The following ARAP1 variants were observed in gnomAD, a reference collection of about 807,000 sequenced individuals.
ARAP1 encodes the protein ArfGAP with RhoGAP domain, ankyrin repeat and PH domain 1.
ARAP1 carries 76 observed loss-of-function variants against 172.2 expected under a neutral mutation model. That is an observed-to-expected ratio of 0.44 (90% CI 0.37 to 0.53). The LOEUF is 0.53. Among genes scored for constraint, ARAP1 ranks in the 20% least tolerant of loss-of-function variants. The pLI, the probability that ARAP1 is intolerant of heterozygous loss-of-function variation, is 0.00. For missense variants in ARAP1, 1,686 were observed against 1,977.5 expected (o/e 0.85, Z 2.80); for synonymous variants, 804 against 803.3 (o/e 1.00, Z -0.01).
At chr11:72,730,107 T>C (rs1256775145) in intron 2 of ARAP1, among the ~76,000 whole-genome samples, 1 of 152,132 alleles carries the variant, frequency 6.6e-6, no homozygotes, top group Admixed American at 6.5e-5. Flanking sequence ...CTGCCACTCA[T>C]ATTCCACACA....
intron 11 of ARAP1, chr11:72,708,643 C>G (rs1447618217): frequency 6.6e-6 from 1 of 152,488 alleles, no homozygotes; most frequent in Non-Finnish European, 1.5e-5. Flanking sequence ...TGGACAGGCA[C>G]GGGCGGCCCA....
intron 14 of ARAP1, among the ~76,000 whole-genome samples, chr11:72,703,671 G>A (rs749706062): frequency 2.6e-5 from 4 of 152,168 alleles, no homozygotes; most frequent in Non-Finnish European, 5.9e-5. Flanking sequence ...CCCCTGCCTC[G>A]GAGCTGGCTG....
rs886586642 is a variant in ARAP1 at position 72,693,233 on chromosome 11, G to A, written c.3954+92C>T. 1.3e-6 allele frequency: 2 copies of A among 1,521,974 alleles called. No homozygotes were observed. The highest frequency in any genetic ancestry group is 1.2e-5 in the South Asian group (1 of 80,692). The allele number at this position is 1,521,974 out of a possible 1,614,324, so 94.3% of individuals were successfully genotyped here. ...GTGCCATCCTGAGAGCCTGTAACGGGAATATTTCCACTTGCAGACCAAGGG... is the reference window on the plus strand; with the variant it reads ...GTGCCATCCTGAGAGCCTGTAACGGAAATATTTCCACTTGCAGACCAAGGG... On this transcript the variant is annotated intron_variant, in intron 29 of 34. Transcript: ENST00000393609. The surrounding 1 kb of genome is among the most constrained non-coding windows in gnomAD (Gnocchi z 4.6).
rs777692919 is a variant in ARAP1, at chr11:72,709,879, C to T, written c.1514G>A (p.Arg505His). The change falls in exon 11 of 35, where the codon CGC becomes CAC. Residue 505 changes from arginine to histidine, a missense_variant. By Grantham distance (29) the Arg-to-His change is conservative. Transcript: ENST00000393609. ...GAAGATGGAGGGTCACCTGAAGATG[C>T]GGTAGGGCGTGGTGAGGTCGAAGCT... Reference protein sequence around the residue: ...RRSFDLTTPYRIFSFSADSEL... With the variant: ...RRSFDLTTPYHIFSFSADSEL... 6 of 1,613,924 alleles carry T rather than the reference C, an allele frequency of 3.7e-6. No individual in the cohort carries two copies. The highest frequency in any genetic ancestry group is 1.6e-4 in the Middle Eastern group (1 of 6,084).
Position 72,712,202 on chromosome 11 carries a change from G to C in ARAP1, c.1016C>G (p.Pro339Arg). 2 of 1,601,772 alleles carry C rather than the reference G, an allele frequency of 1.2e-6. No homozygotes were observed. Among genetic ancestry groups the C allele is most frequent in the Non-Finnish European group, 1.7e-6 (2 of 1,176,146 alleles). The change falls in exon 7 of 35, where the codon CCG becomes CGG. Residue 339 changes from proline (P) to arginine (R), a missense_variant. Physicochemically the swap from Pro to Arg is moderately radical, Grantham distance 103. Transcript: ENST00000393609. ...IKAGWLDKNPPQGSYIYQKRW... is the reference protein window; with the variant it reads ...IKAGWLDKNPRQGSYIYQKRW... Reference sequence around the variant, plus strand: ...CCCAAGAGGCCTCACTCACCCCTGCGGTGGGTTCTTGTCCAGCCAGCCAGC... The same window carrying C: ...CCCAAGAGGCCTCACTCACCCCTGCCGTGGGTTCTTGTCCAGCCAGCCAGC...
intron 3 of ARAP1, among the ~76,000 whole-genome samples, chr11:72,715,222 C>G (rs1053380373): frequency 2.0e-5 from 3 of 152,226 alleles, no homozygotes; most frequent in Non-Finnish European, 4.4e-5. Context: ...AAGGATTAAC[C>G]AAGACAGGAT....
In ARAP1 at chr11:72,695,719, C is replaced by G; in HGVS notation, c.3419G>C (p.Ser1140Thr). ...DLINHYVVVF[S>T]VDEEELRKQR... ...ACTGCCCACTGGCCAGGGACGCACA[C>G]TAAACACCACCACATAGTGGTTAAT... Residue 1140 changes from serine (S) to threonine (T), a missense_variant and splice_region_variant, in exon 24 of 35, where the codon AGT becomes ACT. Ser to Thr is a moderately conservative substitution (Grantham distance 58). This residue lies in a region of ARAP1 where 379 missense variants were observed against 500.1 expected (regional missense o/e 0.76). Coordinates refer to ENST00000393609, the MANE Select transcript of ARAP1 (RefSeq NM_001040118.3). This position sits in a 1 kb window ranked among gnomAD's most constrained non-coding sequence, Gnocchi z 4.4. The G allele has an allele frequency of 6.2e-7, 1 of 1,614,184 alleles. No individual in the cohort carries two copies. Among genetic ancestry groups the G allele is most frequent in the Non-Finnish European group, 8.5e-7 (1 of 1,180,002 alleles).
At chr11:72,750,520 C>T (rs1565236107) in intron 1 of ARAP1, among the ~76,000 whole-genome samples, 1 of 152,134 alleles carries the variant, frequency 6.6e-6, no homozygotes, top group Non-Finnish European at 1.5e-5. Context: ...ACCCCTTCCC[C>T]TGGGTTCTCT....
rs755548510 is a variant in ARAP1, at chr11:72,712,236, C to T, written c.982G>A (p.Val328Ile). The T allele has an allele frequency of 1.2e-6, 2 of 1,608,556 alleles. No individual in the cohort carries two copies. Among genetic ancestry groups the T allele is most frequent in the South Asian group, 2.2e-5 (2 of 90,478 alleles). The change falls in exon 7 of 35, where the codon GTC (valine) becomes ATC (isoleucine). Residue 328 changes from valine to isoleucine, a missense_variant. Val to Ile is a conservative substitution (Grantham distance 29). Around this residue, in one of 5 missense-constraint regions of ARAP1, gnomAD observed 688 missense variants for 856.9 expected, o/e 0.80. Transcript: ENST00000393609. ...TTGTCCAGCCAGCCAGCCTTGATGA[C>T]TGGTGTGACGGGGGTGGAGCCCCCA... is the stretch of plus-strand genomic sequence containing the variant. Reference protein sequence around the residue: ...PPGGSTPVTPVIKAGWLDKNP... With the variant: ...PPGGSTPVTPIIKAGWLDKNP...
chr11:72,689,973 CAGCTGATGGCAGAA>C (rs2135488983), intron 30 of ARAP1, among the ~76,000 whole-genome samples: 1 of 152,196 alleles, frequency 6.6e-6, no homozygotes, highest in East Asian at 1.9e-4. Flanking sequence ...AACTGGAAGA[CAGCTGATGGCAGAA>C]ATGGAAAGAC....
rs535665333 is a variant in ARAP1, at chr11:72,726,427, C to T, written c.509+193G>A. Among the ~76,000 whole-genome samples, 55 of 152,326 alleles carry T rather than the reference C, an allele frequency of 3.6e-4. 1 individual carries two copies. Among genetic ancestry groups the T allele is most frequent in the African/African-American group, 1.3e-3 (54 of 41,566 alleles). On this transcript the variant is annotated intron_variant, in intron 3 of 34. Transcript: ENST00000393609. This position sits in a 1 kb window ranked among gnomAD's most constrained non-coding sequence, Gnocchi z 6.5. ...CACGCCCAGCAGCCCAGGCACTGCGCTGAGTACCTGCACAGCTCTCCCCTC... is the reference window on the plus strand; with the variant it reads ...CACGCCCAGCAGCCCAGGCACTGCGTTGAGTACCTGCACAGCTCTCCCCTC...
intron 3 of ARAP1, chr11:72,722,178 A>AGAGG (rs1857544060): frequency 1.0e-6 from 1 of 977,864 alleles, no homozygotes; most frequent in South Asian, 4.8e-5. Flanking sequence ...AGAGAAAGAC[A>AGAGG]GAGGGAGAGA....
chr11:72,698,206 A>G, intron 18 of ARAP1, 100 bp from the exon 19 acceptor site: 3 of 1,376,192 alleles, frequency 2.2e-6, no homozygotes, highest in Non-Finnish European at 2.9e-6. Flanking sequence ...CTTCCCACCC[A>G]GCTGCCTTCT....
In ARAP1 at chr11:72,703,920, C is replaced by CAGAT. The variant is rs1383928117; in HGVS notation, c.1992+228_1992+231dup. ...ACTGAGGAATTGGGAGAGAGACAGA[C>CAGAT]AGATGCTGGGGATGTGCCCTTGGCC... On this transcript the variant is annotated intron_variant, in intron 14 of 34. Transcript: ENST00000393609. 17 of 562,796 alleles carry CAGAT rather than the reference C, an allele frequency of 3.0e-5. No homozygotes were observed. The East Asian group carries it at 5.1e-4, about 17-fold the overall frequency. 34.9% of individuals were successfully genotyped at this position (562,796 alleles called of 1,614,324 possible).
rs371224676 is a variant in ARAP1 at position 72,696,530 on chromosome 11, C to G, written c.3272+19G>C. 1 of 1,490,218 alleles carries G rather than the reference C, an allele frequency of 6.7e-7. No homozygotes were observed. Among genetic ancestry groups the G allele is most frequent in the Non-Finnish European group, 9.0e-7 (1 of 1,113,578 alleles). 92.3% of individuals were successfully genotyped at this position (1,490,218 alleles called of 1,614,324 possible). ...TTCATCCCATCCCCCCAGAATCTCA[C>G]AATGGTATCGTCCCTCACCAGTACA... On this transcript the variant is annotated intron_variant, in intron 23 of 34. Coordinates refer to ENST00000393609, the MANE Select transcript of ARAP1 (RefSeq NM_001040118.3).
intron 1 of ARAP1, among the ~76,000 whole-genome samples, chr11:72,738,759 C>T (rs1261181014): frequency 6.6e-6 from 1 of 152,102 alleles, no homozygotes; most frequent in African/African-American, 2.4e-5. Flanking sequence ...ACCACAAATG[C>T]ACACCTCACA....
In ARAP1 at chr11:72,713,196, C is replaced by A. The variant is rs1270739392; in HGVS notation, c.727G>T (p.Ala243Ser). 1.2e-6 allele frequency: 2 copies of A among 1,613,646 alleles called. No individual in the cohort carries two copies. Among genetic ancestry groups the A allele is most frequent in the Non-Finnish European group, 1.7e-6 (2 of 1,179,852 alleles). The change falls in exon 5 of 35, where the codon GCC becomes TCC. Residue 243 changes from alanine (A) to serine (S), a missense_variant. Coordinates refer to ENST00000393609, the MANE Select transcript of ARAP1 (RefSeq NM_001040118.3). The part of the protein sequence containing the change: ...EVPEEGPGAP[A>S]RVMTKKEEPP... ...CCCACCTTCTTGGTCATCACTCTGG[C>A]TGGGGCCCCCGGCCCCTCCTCTGGG...
intron 30 of ARAP1, chr11:72,688,810 C>T (rs994652542): frequency 2.4e-6 from 1 of 420,300 alleles, no homozygotes; most frequent in African/African-American, 2.0e-5. Context: ...ACTGGGACAT[C>T]TGTAACAGCG....
rs537983832 is a variant in ARAP1, at chr11:72,693,682, C to T, written c.3808+10G>A. 15 of 1,595,972 alleles carry T rather than the reference C, an allele frequency of 9.4e-6. No individual in the cohort carries two copies. In the South Asian group the frequency reaches 1.6e-4, roughly 17 times the overall value. On this transcript the variant is annotated intron_variant, in intron 28 of 34. Coordinates refer to ENST00000393609, the MANE Select transcript of ARAP1 (RefSeq NM_001040118.3). This position sits in a 1 kb window ranked among gnomAD's most constrained non-coding sequence, Gnocchi z 4.6. ...ACCCGGAGCCTGGCCACCCTGCAGG[C>T]ACCACCTACCCAGGTACAGCAGCAT...
Sources: allele counts gnomAD v4.1 joint callset (sites outside exome capture counted in the v4.1 genomes callset), GRCh38; gene constraint gnomAD v4.1.1; regional missense constraint gnomAD v4.1.1; non-coding constraint Gnocchi (gnomAD v3.1); transcripts MANE v1.5; gene names NCBI Gene and HGNC (gene_info 2026-07-23, HGNC 2026-07-21).